Variants in LLGL2 observed in about 807,000 individuals in gnomAD.
LLGL2 encodes LLGL2, scribble cell polarity complex component.
LLGL2 carries 81 observed loss-of-function variants against 123.2 expected under a neutral mutation model. The ratio of observed to expected loss-of-function variants is 0.66; its 90% CI spans 0.55 to 0.79. The LOEUF is 0.79. Ranked by LOEUF, LLGL2 falls within the 30% of genes least tolerant of loss-of-function variation. The probability of loss-of-function intolerance (pLI) is 0.00; values close to 1 mark genes in which losing one functional copy is unlikely to be tolerated. For missense variants in LLGL2, 1,273 were observed against 1,414.6 expected (o/e 0.90, Z 1.61); for synonymous variants, 577 against 594.1 (o/e 0.97, Z 0.42).
intron 1 of LLGL2, among the ~76,000 whole-genome samples, chr17:75,541,715 CTTTTTTTTTTT>C (rs56656168): frequency 7.9e-4 from 25 of 31,544 alleles, no homozygotes; most frequent in African/African-American, 2.9e-3. Flanking sequence ...TGTGGCTCTG[CTTTTTTTTTTT>C]TTTTTTTTTT....
chr17:75,556,760 T>TA (rs2054931954), intron 3 of LLGL2, among the ~76,000 whole-genome samples: 2 of 152,178 alleles, frequency 1.3e-5, no homozygotes, highest in Admixed American at 6.5e-5. Flanking sequence ...GTTTTTAATT[T>TA]AAAAAAATTT....
chr17:75,557,496 C>CTGAT (rs2054969989), intron 3 of LLGL2, among the ~76,000 whole-genome samples: 1 of 152,244 alleles, frequency 6.6e-6, no homozygotes, highest in South Asian at 2.1e-4. Context: ...CCCCGCCAGT[C>CTGAT]TGATCTGTGC....
At position 75,574,608 on chromosome 17, in the gene LLGL2, A is replaced by G; in HGVS notation, c.2997-2A>G. The G allele has an allele frequency of 6.2e-7, 1 of 1,612,358 alleles. No homozygotes were observed. Among genetic ancestry groups the G allele is most frequent in the Non-Finnish European group, 8.5e-7 (1 of 1,179,620 alleles). On this transcript the variant is annotated splice_acceptor_variant, in intron 24 of 25. Coordinates refer to ENST00000392550, the MANE Select transcript of LLGL2 (RefSeq NM_001031803.2). LOFTEE classifies it high-confidence loss of function. ...ATGACTCCCCTGTCTTTGCCTGTGC[A>G]GGAGCGGCAACTGGCGTTCACATCG...
Position 75,562,999 on chromosome 17 carries a change from G to A in LLGL2, c.531-17G>A. On this transcript the variant is annotated splice_polypyrimidine_tract_variant and intron_variant, in intron 6 of 25. Coordinates refer to ENST00000392550, the MANE Select transcript of LLGL2 (RefSeq NM_001031803.2). The stretch of plus-strand genomic sequence containing the variant: ...TGGTGGACGGCATCGGAGGCTCACG[G>A]CACTCCCCTCGCCCAGGTTGCCAGA... The A allele has an allele frequency of 3.1e-6, 5 of 1,609,460 alleles. No individual in the cohort carries two copies. Among genetic ancestry groups the A allele is most frequent in the Non-Finnish European group, 4.2e-6 (5 of 1,179,904 alleles).
rs1450708493 is a variant in LLGL2 at position 75,558,199 on chromosome 17, A to G, written c.218A>G (p.Asn73Ser). The G allele has an allele frequency of 6.2e-7, 1 of 1,613,694 alleles. No homozygotes were observed. The highest frequency in any genetic ancestry group is 1.7e-5 in the Admixed American group (1 of 60,026). Residue 73 changes from asparagine (N) to serine (S), a missense_variant, in exon 4 of 26, where the codon AAC becomes AGC. Asn to Ser is a conservative substitution (Grantham distance 46). Transcript: ENST00000392550. The surrounding 1 kb of genome is among the most constrained non-coding windows in gnomAD (Gnocchi z 4.0). ...GVEFMGLHQENNAVTQIHLLP... is the reference protein window; with the variant it reads ...GVEFMGLHQESNAVTQIHLLP... ...GAGTTCATGGGGCTGCACCAGGAGA[A>G]CAACGCTGTGACGCAGATCCACCTC...
chr17:75,566,762 T>C (rs1356423516), intron 10 of LLGL2, among the ~76,000 whole-genome samples: 1 of 152,054 alleles, frequency 6.6e-6, no homozygotes, highest in African/African-American at 2.4e-5. Context: ...CTGGAGAAGG[T>C]AGTGGCAAGA....
In LLGL2 at chr17:75,559,507, C is replaced by T; in HGVS notation, c.530+97C>T. ...GACTCTGTCAGGAGCTGTCATTTCT[C>T]TGCTGGGAATTCCATGGGGCTATAG... On this transcript the variant is annotated intron_variant, in intron 6 of 25. Transcript: ENST00000392550. This position sits in a 1 kb window ranked among gnomAD's most constrained non-coding sequence, Gnocchi z 4.6. The T allele has an allele frequency of 1.4e-6, 2 of 1,441,960 alleles. No individual in the cohort carries two copies. Among genetic ancestry groups the T allele is most frequent in the Non-Finnish European group, 1.9e-6 (2 of 1,079,948 alleles). The allele number at this position is 1,441,960 out of a possible 1,614,324, so 89.3% of individuals were successfully genotyped here. A position where few individuals can be genotyped will look rare whatever the true frequency, so the allele number is the denominator to read the frequency against.
chr17:75,554,723 A>G (rs973190592), intron 2 of LLGL2, among the ~76,000 whole-genome samples: 13 of 151,236 alleles, frequency 8.6e-5, no homozygotes, highest in African/African-American at 2.7e-4. Context: ...CCCCGTCTCT[A>G]CTAAAAATAC....
At chr17:75,554,888 CAAA>C (rs566780078) in intron 2 of LLGL2, among the ~76,000 whole-genome samples, 1 of 132,008 alleles carries the variant, frequency 7.6e-6, no homozygotes, top group South Asian at 2.4e-4. Context: ...GACTCCGTCT[CAAA>C]AAAAAAAAAA....
Position 75,564,334 on chromosome 17 carries a change from G to T in LLGL2, c.882-19G>T. 2 of 1,592,256 alleles carry T rather than the reference G, an allele frequency of 1.3e-6. No homozygotes were observed. Reference sequence around the variant, plus strand: ...GTGCCAGGAGCCCCAGCCCACTGCCGCTCCTCTGTGCCTGCCAGGTTGCCC... The same window carrying T: ...GTGCCAGGAGCCCCAGCCCACTGCCTCTCCTCTGTGCCTGCCAGGTTGCCC... On this transcript the variant is annotated intron_variant, in intron 9 of 25. Transcript: ENST00000392550. The surrounding 1 kb of genome is among the most constrained non-coding windows in gnomAD (Gnocchi z 4.9).
At position 75,559,486 on chromosome 17, in the gene LLGL2, C is replaced by CT; in HGVS notation, c.530+77dup. On this transcript the variant is annotated intron_variant, in intron 6 of 25. Coordinates refer to ENST00000392550, the MANE Select transcript of LLGL2 (RefSeq NM_001031803.2). This position sits in a 1 kb window ranked among gnomAD's most constrained non-coding sequence, Gnocchi z 4.6. ...GGCTTCTCCCCTTGGTCCCAGGACT[C>CT]TGTCAGGAGCTGTCATTTCTCTGCT... 1 of 1,481,094 alleles carries CT rather than the reference C, an allele frequency of 6.8e-7. No individual in the cohort carries two copies. The highest frequency in any genetic ancestry group is 9.0e-7 in the Non-Finnish European group (1 of 1,110,098). The allele number at this position is 1,481,094 out of a possible 1,614,324, so 91.7% of individuals were successfully genotyped here. A position where few individuals can be genotyped will look rare whatever the true frequency, so the allele number is the denominator to read the frequency against.
chr17:75,555,603 T>C (rs2054874069), intron 2 of LLGL2, among the ~76,000 whole-genome samples: 1 of 152,092 alleles, frequency 6.6e-6, no homozygotes, highest in Non-Finnish European at 1.5e-5. Context: ...CGCGGTACTC[T>C]AGGCCCCTGG....
chr17:75,569,437 C>A, intron 14 of LLGL2, 112 bp downstream of exon 14: 1 of 867,322 alleles, frequency 1.2e-6, no homozygotes, highest in Non-Finnish European at 1.8e-6. Flanking sequence ...CTTTGCTTTT[C>A]CGGTGGATGG....
Position 75,543,460 on chromosome 17 carries a change from G to A in LLGL2, c.34G>A (p.Val12Met), listed in dbSNP as rs2147203640. The A allele has an allele frequency of 6.2e-7, 1 of 1,612,502 alleles. No individual in the cohort carries two copies. Among genetic ancestry groups the A allele is most frequent in the Non-Finnish European group, 8.5e-7 (1 of 1,179,096 alleles). Residue 12 changes from valine to methionine, a missense_variant, in exon 2 of 26, where the codon GTG becomes ATG. Val to Met is a conservative substitution (Grantham distance 21). Transcript: ENST00000392550. ...GTTCCTGAGGCCAGGGCATGACCCT[G>A]TGCGGGAGAGGCTCAAGCGGGACCT... ...RRFLRPGHDP[V>M]RERLKRDLFQ...
chr17:75,572,892 TGA>T, intron 19 of LLGL2, 120 bp from the exon 20 acceptor site: 1 of 1,219,586 alleles, frequency 8.2e-7, no homozygotes, highest in Non-Finnish European at 1.1e-6. Flanking sequence ...TCTGTGCATC[TGA>T]GAGCCAAGGG....
At chr17:75,563,499 A>G (rs1324436007) in intron 8 of LLGL2, 36 bp downstream of exon 8, 1 of 1,607,948 alleles carries the variant, frequency 6.2e-7, no homozygotes, top group Non-Finnish European at 8.5e-7. Context: ...GCCCACCCCC[A>G]GTGCCTCCTG....
In LLGL2 at chr17:75,563,326, C is replaced by T; in HGVS notation, c.694-5C>T. On this transcript the variant is annotated splice_polypyrimidine_tract_variant and splice_region_variant and intron_variant, in intron 7 of 25. Coordinates refer to ENST00000392550, the MANE Select transcript of LLGL2 (RefSeq NM_001031803.2). ...GCCCTCTGTCCCTCTCCTCTTCCTCCATAGCAACTGGAGAACATCTGGTGG... is the reference window on the plus strand; with the variant it reads ...GCCCTCTGTCCCTCTCCTCTTCCTCTATAGCAACTGGAGAACATCTGGTGG... 1 of 1,612,332 alleles carries T rather than the reference C, an allele frequency of 6.2e-7. No individual in the cohort carries two copies. The highest frequency in any genetic ancestry group is 8.5e-7 in the Non-Finnish European group (1 of 1,179,610).
chr17:75,543,287 T>G (rs1598538505), intron 1 of LLGL2, 110 bp from the exon 2 acceptor site: 4 of 661,868 alleles, frequency 6.0e-6, no homozygotes, highest in Admixed American at 2.8e-5. Context: ...GGCCCCGGGG[T>G]GGCAGCCTAC....
chr17:75,550,379 G>A (rs1307513566), intron 2 of LLGL2, among the ~76,000 whole-genome samples: 1 of 151,892 alleles, frequency 6.6e-6, no homozygotes, highest in Non-Finnish European at 1.5e-5. Context: ...AAACAAGGGG[G>A]GAGTCACCAC....
Sources: allele counts gnomAD v4.1 joint callset (sites outside exome capture counted in the v4.1 genomes callset), GRCh38; gene constraint gnomAD v4.1.1; non-coding constraint Gnocchi (gnomAD v3.1); transcripts MANE v1.5; gene names NCBI Gene and HGNC (gene_info 2026-07-23, HGNC 2026-07-21).